Variants in MAP2K1 observed in about 807,000 individuals in gnomAD.
The protein encoded by MAP2K1 is mitogen-activated protein kinase kinase 1.
MAP2K1 carries 16 observed loss-of-function variants against 46.3 expected under a neutral mutation model. The ratio of observed to expected loss-of-function variants is 0.35; its 90% CI spans 0.23 to 0.52. The LOEUF (loss-of-function observed/expected upper bound fraction) is 0.52, where lower values mean the gene tolerates loss of function less well. Among genes scored for constraint, MAP2K1 ranks in the 20% least tolerant of loss-of-function variants. MAP2K1 has a pLI of 0.94. For missense variants in MAP2K1, 263 were observed against 497.1 expected, an observed-to-expected ratio of 0.53 and a Z score of 4.48; for synonymous variants, 183 against 185.6, an observed-to-expected ratio of 0.99 and a Z score of 0.11.
At chr15:66,388,954 T>G (rs926167763) in intron 1 of MAP2K1, among the ~76,000 whole-genome samples, 8 of 141,448 alleles carry the variant, frequency 5.7e-5, no homozygotes, top group African/African-American at 2.2e-4. Context: ...TTGCCCAGGC[T>G]GGAGTGCAAT....
chr15:66,444,764 GT>G, intron 5 of MAP2K1, 57 bp downstream of exon 5: 2 of 1,343,450 alleles, frequency 1.5e-6, no homozygotes, highest in East Asian at 4.6e-5. Flanking sequence ...TCCAAAGGCT[GT>G]TGCTTCCTCT....
At chr15:66,411,016 G>C (rs1259352011) in intron 1 of MAP2K1, among the ~76,000 whole-genome samples, 3 of 152,124 alleles carry the variant, frequency 2.0e-5, no homozygotes, top group Non-Finnish European at 2.9e-5. Context: ...TGGGACAGAA[G>C]CTTTGTTCAG....
At chr15:66,443,846 C>T (rs1008682923) in intron 4 of MAP2K1, among the ~76,000 whole-genome samples, 3 of 152,078 alleles carry the variant, frequency 2.0e-5, no homozygotes, top group Admixed American at 6.5e-5. Context: ...TTAGTCTGGG[C>T]GACAGAGTGA....
chr15:66,471,622 G>C (rs1357071763), intron 5 of MAP2K1, among the ~76,000 whole-genome samples: 1 of 151,404 alleles, frequency 6.6e-6, no homozygotes, highest in Non-Finnish European at 1.5e-5. Flanking sequence ...ATTCTTGGTT[G>C]CTAATGAACT....
At chr15:66,463,281 A>G (rs1034320437) in intron 5 of MAP2K1, among the ~76,000 whole-genome samples, 1 of 152,242 alleles carries the variant, frequency 6.6e-6, no homozygotes, top group Non-Finnish European at 1.5e-5. Context: ...ATTGAACAGT[A>G]AGTGCTTCAG....
At chr15:66,482,133 T>G (rs965519702) in intron 6 of MAP2K1, among the ~76,000 whole-genome samples, 1 of 152,156 alleles carries the variant, frequency 6.6e-6, no homozygotes, top group Non-Finnish European at 1.5e-5. Context: ...AGTGTGGCTT[T>G]CTTTCTGAAG....
chr15:66,428,217 C>T (rs2093464555), intron 1 of MAP2K1, among the ~76,000 whole-genome samples: 1 of 151,482 alleles, frequency 6.6e-6, no homozygotes, highest in South Asian at 2.1e-4. Flanking sequence ...CCAGGAATTC[C>T]CCTCCTTCCC....
At chr15:66,484,186 T>C (rs1892982799) in intron 6 of MAP2K1, among the ~76,000 whole-genome samples, 1 of 148,942 alleles carries the variant, frequency 6.7e-6, no homozygotes, top group South Asian at 2.2e-4. Context: ...TCGCTCTTCT[T>C]GCCCAGGCTG....
At chr15:66,420,896 C>T (rs1439110223) in intron 1 of MAP2K1, among the ~76,000 whole-genome samples, 19 of 105,530 alleles carry the variant, frequency 1.8e-4, no homozygotes, top group East Asian at 1.1e-3. Context: ...TATATATACA[C>T]ATACATACAT....
chr15:66,488,031 G>A (rs1481135841), intron 8 of MAP2K1, among the ~76,000 whole-genome samples: 1 of 151,968 alleles, frequency 6.6e-6, no homozygotes, highest in Admixed American at 6.6e-5. Context: ...AGTAGCCCAG[G>A]TCCTTCCCAC....
intron 7 of MAP2K1, among the ~76,000 whole-genome samples, chr15:66,486,151 T>G (rs1893033954): frequency 6.6e-6 from 1 of 152,260 alleles, no homozygotes; most frequent in Non-Finnish European, 1.5e-5. Context: ...TCCTCCTGCC[T>G]TGGCCTCCCA....
intron 3 of MAP2K1, among the ~76,000 whole-genome samples, chr15:66,439,324 A>G (rs1011493815): frequency 2.0e-5 from 3 of 152,178 alleles, no homozygotes; most frequent in African/African-American, 4.8e-5. Flanking sequence ...TTATTTTCCC[A>G]ACACTTTATT....
At chr15:66,392,279 T>TTA (rs1555412519) in intron 1 of MAP2K1, among the ~76,000 whole-genome samples, 9,952 of 132,674 alleles carry the variant, frequency 0.075, 475 homozygotes, top group Non-Finnish European at 0.11. Flanking sequence ...TTTTTTTTTT[T>TTA]AAGAAAGGGT....
chr15:66,421,519 C>T (rs995945999), intron 1 of MAP2K1, among the ~76,000 whole-genome samples: 36 of 150,942 alleles, frequency 2.4e-4, no homozygotes, highest in African/African-American at 7.8e-4. Flanking sequence ...ATACCATTGT[C>T]GCTGGGTGCA....
intron 5 of MAP2K1, chr15:66,453,574 C>G: frequency 1.4e-6 from 1 of 702,294 alleles, no homozygotes; most frequent in Non-Finnish European, 2.6e-6. Context: ...AACCTGAGTT[C>G]AGGTGAAAAT....
intron 1 of MAP2K1, among the ~76,000 whole-genome samples, chr15:66,389,067 C>T (rs780296185): frequency 8.6e-5 from 13 of 151,864 alleles, no homozygotes; most frequent in South Asian, 8.4e-4. Flanking sequence ...CCACCATGCC[C>T]GGCTAATTTT....
chr15:66,409,532 G>A (rs999084469), intron 1 of MAP2K1, among the ~76,000 whole-genome samples: 4 of 152,134 alleles, frequency 2.6e-5, no homozygotes, highest in Non-Finnish European at 5.9e-5. Context: ...ACACTCCTCC[G>A]CCACGCCTCT....
chr15:66,468,073 G>A (rs968847669), intron 5 of MAP2K1, among the ~76,000 whole-genome samples: 7 of 152,184 alleles, frequency 4.6e-5, no homozygotes, highest in East Asian at 1.9e-4. Flanking sequence ...AAGATTTTAC[G>A]TAAACTTGAG....
At chr15:66,420,721 ATGTGTGTG>A (rs1166822915) in intron 1 of MAP2K1, among the ~76,000 whole-genome samples, 13 of 29,700 alleles carry the variant, frequency 4.4e-4, no homozygotes, top group South Asian at 1.3e-3. Context: ...ATATATATAT[ATGTGTGTG>A]TGTGTGTGTG....
Sources: allele counts gnomAD v4.1 joint callset (sites outside exome capture counted in the v4.1 genomes callset), GRCh38; gene constraint gnomAD v4.1.1; transcripts MANE v1.5; gene names NCBI Gene and HGNC (gene_info 2026-07-23, HGNC 2026-07-21).